Variants in CDH13 observed in about 807,000 individuals in gnomAD.
CDH13 encodes cadherin 13.
CDH13 carries 24 observed loss-of-function variants against 63.8 expected under a neutral mutation model. That is an observed-to-expected ratio of 0.38 (90% CI 0.27 to 0.53). The LOEUF is 0.53. CDH13 is among the 20% of genes least tolerant of loss of function. CDH13 has a pLI of 0.85. For missense variants in CDH13, 1,049 were observed against 903.1 expected, an observed-to-expected ratio of 1.16 and a Z score of -2.07; for synonymous variants, 503 against 355.3, an observed-to-expected ratio of 1.42 and a Z score of -4.67.
chr16:83,392,719 A>T (rs536482847), intron 6 of CDH13, among the ~76,000 whole-genome samples: 2 of 152,350 alleles, frequency 1.3e-5, no homozygotes, highest in African/African-American at 4.8e-5. Context: ...AGCTTCAAAG[A>T]CAGAACCAGC....
intron 11 of CDH13, among the ~76,000 whole-genome samples, chr16:83,755,350 A>G (rs1913420197): frequency 6.6e-6 from 1 of 152,178 alleles, no homozygotes; most frequent in Non-Finnish European, 1.5e-5. Flanking sequence ...GAGTTACAGA[A>G]GGATAGGAGA....
chr16:82,889,569 C>G (rs1444622284), intron 2 of CDH13, among the ~76,000 whole-genome samples: 2 of 152,134 alleles, frequency 1.3e-5, no homozygotes, highest in East Asian at 3.9e-4. Context: ...TACAATTTTT[C>G]CATGTATCTG....
intron 1 of CDH13, among the ~76,000 whole-genome samples, chr16:82,827,562 A>G (rs771991804): frequency 6.6e-6 from 1 of 152,178 alleles, no homozygotes; most frequent in Non-Finnish European, 1.5e-5. Flanking sequence ...ACTGTGGACT[A>G]GAGTCAATCT....
chr16:83,522,591 G>A (rs550888509), intron 7 of CDH13, among the ~76,000 whole-genome samples: 8 of 152,202 alleles, frequency 5.3e-5, no homozygotes, highest in South Asian at 4.2e-4. Context: ...GTTTTATACC[G>A]TTCTATAAAT....
At chr16:83,416,378 G>C (rs948383833) in intron 6 of CDH13, among the ~76,000 whole-genome samples, 10 of 152,128 alleles carry the variant, frequency 6.6e-5, no homozygotes, top group African/African-American at 2.4e-4. Context: ...TACAGAAATA[G>C]GAAACTCAGT....
intron 5 of CDH13, among the ~76,000 whole-genome samples, chr16:83,311,865 A>G (rs888121852): frequency 6.6e-6 from 1 of 152,136 alleles, no homozygotes; most frequent in Admixed American, 6.5e-5. Context: ...ACCTGAGGTT[A>G]GGATTTCGAG....
At chr16:83,140,345 A>G (rs1193538499) in intron 4 of CDH13, among the ~76,000 whole-genome samples, 4 of 152,230 alleles carry the variant, frequency 2.6e-5, no homozygotes, top group Non-Finnish European at 5.9e-5. Context: ...AACACGTGGT[A>G]TGGCAGACCA....
intron 1 of CDH13, among the ~76,000 whole-genome samples, chr16:82,853,598 C>G (rs1458497343): frequency 2.0e-5 from 3 of 152,216 alleles, no homozygotes; most frequent in Non-Finnish European, 4.4e-5. Flanking sequence ...GAGATTCACA[C>G]TGAACCAACG....
chr16:83,738,451 C>T (rs1911743578), intron 10 of CDH13, among the ~76,000 whole-genome samples: 1 of 152,156 alleles, frequency 6.6e-6, no homozygotes, highest in Admixed American at 6.5e-5. Context: ...TTTTCTCCTC[C>T]GTATTGTCTG....
intron 8 of CDH13, among the ~76,000 whole-genome samples, chr16:83,657,050 C>G (rs1912932723): frequency 1.3e-5 from 2 of 152,186 alleles, no homozygotes; most frequent in Admixed American, 1.3e-4. Flanking sequence ...AGTTGGGCTT[C>G]ACTCTTCCAT....
intron 1 of CDH13, among the ~76,000 whole-genome samples, chr16:82,839,227 C>T (rs559848853): frequency 1.3e-5 from 2 of 152,290 alleles, no homozygotes; most frequent in South Asian, 4.1e-4. Context: ...AGGGAGCCCC[C>T]TCCATGTGGC....
intron 2 of CDH13, among the ~76,000 whole-genome samples, chr16:82,893,918 C>T (rs144358246): frequency 3.3e-5 from 5 of 152,190 alleles, no homozygotes; most frequent in African/African-American, 1.2e-4. Flanking sequence ...ACTCCCAATA[C>T]CACCACTTCA....
intron 1 of CDH13, among the ~76,000 whole-genome samples, chr16:82,712,892 G>C (rs976013795): frequency 1.3e-5 from 2 of 152,020 alleles, no homozygotes; most frequent in South Asian, 2.1e-4. Flanking sequence ...CTCATTTTCA[G>C]CTTCATGTGG....
intron 7 of CDH13, among the ~76,000 whole-genome samples, chr16:83,569,783 C>G (rs1027851530): frequency 6.6e-6 from 1 of 152,178 alleles, no homozygotes; most frequent in Non-Finnish European, 1.5e-5. Context: ...GTCTCCCAGG[C>G]TGGAGTGCAG....
Position 82,670,690 on chromosome 16 carries a change from G to A in CDH13, c.45+43553G>A, listed in dbSNP as rs1371275043. ...ACTGGCACGTAATTTGGGGTAGTCGGGTATGAAACTTATAGACACATCCAT... is the reference window on the plus strand; with the variant it reads ...ACTGGCACGTAATTTGGGGTAGTCGAGTATGAAACTTATAGACACATCCAT... On this transcript the variant is annotated intron_variant, in intron 1 of 13. Coordinates refer to ENST00000567109, the MANE Select transcript of CDH13 (RefSeq NM_001257.5). Among the ~76,000 whole-genome samples the A allele has an allele frequency of 2.0e-5, 3 of 152,110 alleles. No individual in the cohort carries two copies. The East Asian group carries it at 5.8e-4, about 29-fold the overall frequency.
chr16:82,655,218 A>G (rs915722313), intron 1 of CDH13, among the ~76,000 whole-genome samples: 2 of 152,220 alleles, frequency 1.3e-5, no homozygotes, highest in African/African-American at 4.8e-5. Context: ...CTATTGCTTT[A>G]TTGGCAGAGG....
chr16:82,865,252 C>G (rs542573921), intron 2 of CDH13, among the ~76,000 whole-genome samples: 22 of 152,326 alleles, frequency 1.4e-4, no homozygotes, highest in Middle Eastern at 6.8e-3. Flanking sequence ...GTGGCTGTCT[C>G]TCACAGCTTC....
At chr16:82,764,592 T>A (rs1035110066) in intron 1 of CDH13, among the ~76,000 whole-genome samples, 1 of 152,210 alleles carries the variant, frequency 6.6e-6, no homozygotes, top group African/African-American at 2.4e-5. Context: ...CAGATGTATT[T>A]TGAGAACATA....
At chr16:82,887,852 A>C (rs1454187982) in intron 2 of CDH13, among the ~76,000 whole-genome samples, 5 of 151,992 alleles carry the variant, frequency 3.3e-5, no homozygotes. Context: ...AGAGTGTCTC[A>C]AGGGTTTTTT....
Sources: allele counts gnomAD v4.1 joint callset (sites outside exome capture counted in the v4.1 genomes callset), GRCh38; gene constraint gnomAD v4.1.1; transcripts MANE v1.5; gene names NCBI Gene and HGNC (gene_info 2026-07-23, HGNC 2026-07-21).